Variants in GPT2 observed in about 807,000 individuals in gnomAD.
GPT2 encodes the protein alanine aminotransferase 2.
A neutral mutation model predicts 56.9 loss-of-function variants in GPT2; 30 were observed. The ratio of observed to expected loss-of-function variants is 0.53; its 90% CI spans 0.39 to 0.72. The LOEUF (loss-of-function observed/expected upper bound fraction) is 0.72. Ranked by LOEUF, GPT2 falls within the 30% of genes least tolerant of loss-of-function variation. The pLI is 0.00. For synonymous variants in GPT2, 271 were observed against 283.1 expected (o/e 0.96, Z 0.43); for missense variants, 542 against 703.4 (o/e 0.77, Z 2.60).
chr16:46,924,489 C>T lies in GPT2; in HGVS notation c.1313C>T (p.Ala438Val). 6.2e-7 allele frequency: 1 copy of T among 1,614,206 alleles called. No homozygotes were observed. Residue 438 changes from alanine (A) to valine (V), a missense_variant, in exon 10 of 12, where the codon GCC becomes GTC. Coordinates refer to ENST00000340124, the MANE Select transcript of GPT2 (RefSeq NM_133443.4). ...PGIHCNPLQG[A>V]MYAFPRIFIP... is the part of the protein sequence containing the mutation. ...ATTCACTGCAACCCCTTGCAGGGGGCCATGTACGCCTTCCCTCGGATCTTC... is the reference window on the plus strand; with the variant it reads ...ATTCACTGCAACCCCTTGCAGGGGGTCATGTACGCCTTCCCTCGGATCTTC...
At chr16:46,928,658 G>A (rs1381544820) in intron 11 of GPT2, among the ~76,000 whole-genome samples, 4 of 152,000 alleles carry the variant, frequency 2.6e-5, no homozygotes, top group African/African-American at 9.7e-5. Context: ...TGCAGTAATG[G>A]GTGGATATGT....
Position 46,926,957 on chromosome 16 carries a change from C to A in GPT2, c.1401C>A (p.Cys467Ter). 1 of 1,605,698 alleles carries A rather than the reference C, an allele frequency of 6.2e-7. No homozygotes were observed. Among genetic ancestry groups the A allele is most frequent in the Non-Finnish European group, 8.5e-7 (1 of 1,176,356 alleles). The change falls in exon 11 of 12, where the codon TGC becomes TGA. Residue 467 changes from cysteine (C) to a stop codon, truncating the protein, a stop_gained. Coordinates refer to ENST00000340124, the MANE Select transcript of GPT2 (RefSeq NM_133443.4). LOFTEE classifies it high-confidence loss of function. ...AHQMAPDMFY[C>*]MKLLEETGIC... ...AAATGGCTCCAGACATGTTCTACTGCATGAAGCTCCTGGAGGAGACTGGCA... is the reference window on the plus strand; with the variant it reads ...AAATGGCTCCAGACATGTTCTACTGAATGAAGCTCCTGGAGGAGACTGGCA...
At chr16:46,901,990 G>A (rs1960828589) in intron 4 of GPT2, among the ~76,000 whole-genome samples, 1 of 152,228 alleles carries the variant, frequency 6.6e-6, no homozygotes, top group African/African-American at 2.4e-5. Context: ...GGGCAAAGGT[G>A]TTTCCCAAAG....
At chr16:46,905,069 T>C (rs1216608900) in intron 4 of GPT2, among the ~76,000 whole-genome samples, 1 of 151,908 alleles carries the variant, frequency 6.6e-6, no homozygotes, top group East Asian at 1.9e-4. Context: ...CTTTTTTTTT[T>C]TTTTTTAAAG....
rs1302543755 is a variant in GPT2, at chr16:46,926,931, C to G, written c.1375C>G (p.Gln459Glu). The change falls in exon 11 of 12, where the codon CAA becomes GAA. Residue 459 changes from glutamine (Q) to glutamate (E), a missense_variant. Transcript: ENST00000340124. ...AKAVEAAQAHQMAPDMFYCMK... is the reference protein window; with the variant it reads ...AKAVEAAQAHEMAPDMFYCMK... Reference sequence around the variant, plus strand: ...GCTCTGTCTGCTCCCATAGGCCCATCAAATGGCTCCAGACATGTTCTACTG... The same window carrying G: ...GCTCTGTCTGCTCCCATAGGCCCATGAAATGGCTCCAGACATGTTCTACTG... The G allele has an allele frequency of 6.3e-6, 10 of 1,578,410 alleles. No individual in the cohort carries two copies. The highest frequency in any genetic ancestry group is 3.4e-4 in the Middle Eastern group (2 of 5,906).
At position 46,926,934 on chromosome 16, in the gene GPT2, A is replaced by G. The variant is rs774461411; in HGVS notation, c.1378A>G (p.Met460Val). Residue 460 changes from methionine (M) to valine (V), a missense_variant, in exon 11 of 12, where the codon ATG becomes GTG. Transcript: ENST00000340124. ...CTGTCTGCTCCCATAGGCCCATCAAATGGCTCCAGACATGTTCTACTGCAT... is the reference window on the plus strand; with the variant it reads ...CTGTCTGCTCCCATAGGCCCATCAAGTGGCTCCAGACATGTTCTACTGCAT... ...KAVEAAQAHQMAPDMFYCMKL... is the reference protein window; with the variant it reads ...KAVEAAQAHQVAPDMFYCMKL... 5.7e-6 allele frequency: 9 copies of G among 1,580,214 alleles called. No homozygotes were observed. In the South Asian group the frequency reaches 9.4e-5, roughly 16 times the overall value.
At chr16:46,919,499 C>A (rs1041604445) in intron 8 of GPT2, among the ~76,000 whole-genome samples, 40 of 152,164 alleles carry the variant, frequency 2.6e-4, no homozygotes, top group Admixed American at 4.6e-4. Flanking sequence ...GCGGGAGCAG[C>A]CTGGGCAAAG....
rs540771340 is a variant in GPT2, at chr16:46,921,229, C to T, written c.1038-1013C>T. Among the ~76,000 whole-genome samples, 5 of 152,216 alleles carry T rather than the reference C, an allele frequency of 3.3e-5. No homozygotes were observed. In the East Asian group the frequency reaches 5.8e-4, roughly 18 times the overall value. On this transcript the variant is annotated intron_variant, in intron 8 of 11. Transcript: ENST00000340124. ...TGGAGCCCAGGCTGGAGTGCAGAGG[C>T]GCGATCTTAGTTCACTGCAACCTCT...
chr16:46,891,895 C>T (rs1006295775), intron 2 of GPT2, among the ~76,000 whole-genome samples: 3 of 151,282 alleles, frequency 2.0e-5, no homozygotes, highest in African/African-American at 7.3e-5. Context: ...ATTAACCATC[C>T]CCACTTCTCC....
intron 6 of GPT2, among the ~76,000 whole-genome samples, chr16:46,913,104 C>T (rs568159362): frequency 6.6e-6 from 1 of 152,230 alleles, no homozygotes; most frequent in Admixed American, 6.5e-5. Context: ...CGCCACTGTT[C>T]ATGCACTTAT....
In GPT2 at chr16:46,924,389, GAGA is replaced by G; in HGVS notation, c.1216_1218del (p.Lys406del). 1 of 1,614,214 alleles carries G rather than the reference GAGA, an allele frequency of 6.2e-7. No individual in the cohort carries two copies. The highest frequency in any genetic ancestry group is 8.5e-7 in the Non-Finnish European group (1 of 1,180,034). ...CTGTGCTGTTTCCATCTCTCATCAG[GAGA>G]AGGAGTCGGTCCTGGGTAATCTGGC... is the stretch of plus-strand genomic sequence containing the variant. On this transcript the variant is annotated inframe_deletion and splice_region_variant, in exon 10 of 12. Coordinates refer to ENST00000340124, the MANE Select transcript of GPT2 (RefSeq NM_133443.4).
Position 46,884,732 on chromosome 16 carries a change from CGCTGGTCCGGCGGG to C in GPT2, c.22_35del (p.Val8TrpfsTer120). ...AAGCGCGCGATGCAGCGGGCGGCGGCGCTGGTCCGGCGGGGCTGTGGTCCCCGGACCCCCAGCTC... is the reference window on the plus strand; with the variant it reads ...AAGCGCGCGATGCAGCGGGCGGCGGCGCTGTGGTCCCCGGACCCCCAGCTC... On this transcript the variant is annotated frameshift_variant, in exon 2 of 12. Transcript: ENST00000340124. LOFTEE classifies it high-confidence loss of function. 7.2e-7 allele frequency: 1 copy of C among 1,387,870 alleles called. No individual in the cohort carries two copies. The highest frequency in any genetic ancestry group is 2.0e-5 in the South Asian group (1 of 49,404). The allele number at this position is 1,387,870 out of a possible 1,614,324, so 86.0% of individuals were successfully genotyped here.
In GPT2 at chr16:46,909,738, A is replaced by T; in HGVS notation, c.631A>T (p.Ile211Phe). 1.2e-6 allele frequency: 2 copies of T among 1,613,926 alleles called. No homozygotes were observed. Among genetic ancestry groups the T allele is most frequent in the Non-Finnish European group, 1.7e-6 (2 of 1,179,888 alleles). ...GGGKSRTGVM[I>F]PIPQYPLYSA... Reference sequence around the variant, plus strand: ...CGGCAAGTCACGGACAGGTGTGATGATCCCCATCCCACAATATCCCCTCTA... The same window carrying T: ...CGGCAAGTCACGGACAGGTGTGATGTTCCCCATCCCACAATATCCCCTCTA... The change falls in exon 6 of 12, where the codon ATC becomes TTC. Residue 211 changes from isoleucine (I) to phenylalanine (F), a missense_variant. Coordinates refer to ENST00000340124, the MANE Select transcript of GPT2 (RefSeq NM_133443.4).
intron 11 of GPT2, 51 bp from the exon 12 acceptor site, chr16:46,928,856 C>G: frequency 7.2e-7 from 1 of 1,397,234 alleles, no homozygotes; most frequent in Non-Finnish European, 1.0e-6. Flanking sequence ...GGATTCGTTC[C>G]TCTCCCATCT....
At chr16:46,928,781 G>C in intron 11 of GPT2, 126 bp from the exon 12 acceptor site, 1 of 706,430 alleles carries the variant, frequency 1.4e-6, no homozygotes, top group African/African-American at 1.7e-5. Flanking sequence ...TGCTGTCCGG[G>C]CTGGAGCTGT....
intron 5 of GPT2, among the ~76,000 whole-genome samples, chr16:46,909,042 T>C (rs1960991569): frequency 6.7e-6 from 1 of 149,034 alleles, no homozygotes; most frequent in South Asian, 2.2e-4. Flanking sequence ...GGAAAACAGG[T>C]CAAAGCGCCA....
intron 10 of GPT2, among the ~76,000 whole-genome samples, chr16:46,926,081 A>T (rs1337500140): frequency 7.1e-6 from 1 of 141,632 alleles, no homozygotes; most frequent in Non-Finnish European, 1.5e-5. Context: ...TAGTGAGCCG[A>T]GATCACGCCA....
chr16:46,891,056 A>G (rs1960575239), intron 2 of GPT2, among the ~76,000 whole-genome samples: 2 of 151,492 alleles, frequency 1.3e-5, no homozygotes, highest in South Asian at 4.2e-4. Flanking sequence ...TATTTTTAGT[A>G]GAGATGGGGT....
intron 6 of GPT2, among the ~76,000 whole-genome samples, chr16:46,910,432 G>C (rs1961026922): frequency 7.0e-6 from 1 of 142,034 alleles, no homozygotes; most frequent in Admixed American, 7.4e-5. Context: ...GGTGGTACAT[G>C]CGGTCCCAGC....
Sources: gnomAD v4.1 joint callset for allele counts (sites outside exome capture counted in the v4.1 genomes callset) on GRCh38, gnomAD v4.1.1 for gene constraint, MANE v1.5 for transcripts, NCBI Gene and HGNC (gene_info 2026-07-23, HGNC 2026-07-21) for gene names.